The following RASEF variants were observed in gnomAD, a reference collection of about 807,000 sequenced individuals.
The protein encoded by RASEF is ras and EF-hand domain-containing protein.
Under a neutral mutation model 90.1 loss-of-function variants are expected in RASEF, and 68 were observed. The ratio of observed to expected loss-of-function variants is 0.75; its 90% confidence interval spans 0.62 to 0.92. The LOEUF is 0.92. Among genes scored for constraint, RASEF ranks in the 40% least tolerant of loss-of-function variants. RASEF has a pLI of 0.00. For synonymous variants in RASEF, 331 were observed against 345.2 expected, an observed-to-expected ratio of 0.96 and a Z score of 0.46; for missense variants, 949 against 937.2, an observed-to-expected ratio of 1.01 and a Z score of -0.16.
intron 1 of RASEF, among the ~76,000 whole-genome samples, chr9:83,060,799 A>C (rs1830189229): frequency 6.6e-6 from 1 of 152,204 alleles, no homozygotes; most frequent in Non-Finnish European, 1.5e-5. Flanking sequence ...ATCTCACATC[A>C]GGAGGTGAGG....
intron 16 of RASEF, among the ~76,000 whole-genome samples, chr9:82,989,571 T>C (rs140634460): frequency 7.4e-4 from 112 of 152,300 alleles, no homozygotes; most frequent in African/African-American, 2.5e-3. Context: ...ATTTTAACTA[T>C]CAATATTTAC....
At chr9:83,112,827 T>G in the RASEF span, among the ~76,000 whole-genome samples, 4 of 152,124 alleles carry the variant, frequency 2.6e-5, no homozygotes, top group Non-Finnish European at 5.9e-5. Flanking sequence ...TTGGGTTTTT[T>G]TGTTTTTTGT....
At chr9:83,148,630 A>G in the RASEF span, among the ~76,000 whole-genome samples, 1 of 152,208 alleles carries the variant, frequency 6.6e-6, no homozygotes, top group African/African-American at 2.4e-5. Context: ...TCTGATATTT[A>G]TGCCACTCAG....
At chr9:83,066,189 G>A (rs573799517), upstream of RASEF, among the ~76,000 whole-genome samples, 19 of 152,258 alleles carry the variant, frequency 1.2e-4, no homozygotes, top group African/African-American at 4.1e-4. Flanking sequence ...ACATGATTAC[G>A]TTAGTAGCTC....
At chr9:83,032,518 A>G (rs1175242785) in intron 1 of RASEF, among the ~76,000 whole-genome samples, 1 of 152,228 alleles carries the variant, frequency 6.6e-6, no homozygotes, top group East Asian at 1.9e-4. Context: ...AGCAACCAAC[A>G]CTAATATACC....
chr9:83,057,406 G>A (rs1053674831), intron 1 of RASEF, among the ~76,000 whole-genome samples: 1 of 152,182 alleles, frequency 6.6e-6, no homozygotes, highest in East Asian at 1.9e-4. Context: ...ATGAGCTGTA[G>A]TTATCAAGAG....
chr9:83,015,811 T>C lies in RASEF; in HGVS notation c.759A>G (p.Leu253=), dbSNP rs1374503528. Residue 253 remains leucine, a synonymous_variant, in exon 4 of 17, where the codon CTA becomes CTG. Coordinates refer to ENST00000376447, the MANE Select transcript of RASEF (RefSeq NM_152573.4). ...VGDLQVTIKK[L]RKLEEQSKRV... Reference sequence around the variant, plus strand: ...CCAGCTGCCACATGCCTACCTTTCTTAGCTTTTTAATGGTCACCTGCAGAT... The same window carrying C: ...CCAGCTGCCACATGCCTACCTTTCTCAGCTTTTTAATGGTCACCTGCAGAT... The C allele has an allele frequency of 7.4e-6, 12 of 1,612,824 alleles. No homozygotes were observed. The highest frequency in any genetic ancestry group is 1.0e-5 in the Non-Finnish European group (12 of 1,178,788).
At chr9:82,996,299 G>A (rs945479345) in intron 14 of RASEF, among the ~76,000 whole-genome samples, 1 of 152,164 alleles carries the variant, frequency 6.6e-6, no homozygotes, top group Non-Finnish European at 1.5e-5. Context: ...TTTTTCAAGA[G>A]AGCATGCTGA....
rs41277925 is a variant in RASEF, at chr9:82,996,960, T to C, written c.1920+52A>G. The C allele has an allele frequency of 8.9e-4, 905 of 1,021,138 alleles. 1 individual carries two copies. The highest frequency in any genetic ancestry group is 1.2e-3 in the Non-Finnish European group (790 of 642,462). The allele number at this position is 1,021,138 out of a possible 1,614,324, so 63.3% of individuals were successfully genotyped here. A position where few individuals can be genotyped will look rare whatever the true frequency, so the allele number is the denominator to read the frequency against. ...AGAAGAGAGACAGCATTTTCCAAGA[T>C]GGCCTAAAACTTCCTCGTGTAATTT... On this transcript the variant is annotated intron_variant, in intron 14 of 16. Coordinates refer to ENST00000376447, the MANE Select transcript of RASEF (RefSeq NM_152573.4).
At chr9:83,018,286 C>T (rs187936957) in intron 3 of RASEF, among the ~76,000 whole-genome samples, 184 of 152,190 alleles carry the variant, frequency 1.2e-3, no homozygotes, top group African/African-American at 4.1e-3. Flanking sequence ...CTACAGAATA[C>T]GAGACCAATC....
chr9:83,037,511 T>A (rs1427675601), intron 1 of RASEF, among the ~76,000 whole-genome samples: 1 of 152,138 alleles, frequency 6.6e-6, no homozygotes, highest in African/African-American at 2.4e-5. Context: ...AATTAAGAAA[T>A]CTGTGAAGTA....
the RASEF span, among the ~76,000 whole-genome samples, chr9:83,209,273 G>A: frequency 0.011 from 1,613 of 152,352 alleles, 24 homozygotes; most frequent in African/African-American, 0.035. Flanking sequence ...ATTTCTGGAA[G>A]AATCACCCTT....
At chr9:83,208,075 T>G in the RASEF span, among the ~76,000 whole-genome samples, 1 of 152,224 alleles carries the variant, frequency 6.6e-6, no homozygotes, top group South Asian at 2.1e-4. Flanking sequence ...GATTCCTTTC[T>G]CCATCCATTG....
At chr9:83,041,016 A>T (rs1027340032) in intron 1 of RASEF, among the ~76,000 whole-genome samples, 1 of 151,972 alleles carries the variant, frequency 6.6e-6, no homozygotes, top group Non-Finnish European at 1.5e-5. Context: ...ACGCGCCACC[A>T]TGCCTGGCTA....
At chr9:83,206,935 G>A in the RASEF span, among the ~76,000 whole-genome samples, 1 of 152,032 alleles carries the variant, frequency 6.6e-6, no homozygotes, top group African/African-American at 2.4e-5. Flanking sequence ...TCTCTCCACT[G>A]TTGCGTCTTC....
At chr9:83,029,449 G>C (rs1234939436) in intron 1 of RASEF, among the ~76,000 whole-genome samples, 1 of 149,200 alleles carries the variant, frequency 6.7e-6, no homozygotes, top group East Asian at 2.0e-4. Context: ...CTGGAGTGCA[G>C]TGGCGCAATC....
chr9:83,021,147 C>T (rs1017484632), intron 3 of RASEF, among the ~76,000 whole-genome samples: 125 of 152,320 alleles, frequency 8.2e-4, no homozygotes, highest in African/African-American at 2.7e-3. Context: ...AACCAGGGTG[C>T]AGCCACTACA....
chr9:83,187,571 T>C, the RASEF span, among the ~76,000 whole-genome samples: 4 of 152,174 alleles, frequency 2.6e-5, no homozygotes, highest in African/African-American at 7.2e-5. Flanking sequence ...AAATCAGTCC[T>C]GGACAATCTA....
chr9:83,048,617 T>C (rs1829976356), intron 1 of RASEF: 2 of 985,056 alleles, frequency 2.0e-6, no homozygotes, highest in Non-Finnish European at 2.4e-6. Flanking sequence ...GCGAGAAGAG[T>C]TTCTTCTGTG....
Sources: allele counts gnomAD v4.1 joint callset (sites outside exome capture counted in the v4.1 genomes callset), GRCh38; gene constraint gnomAD v4.1.1; transcripts MANE v1.5; gene names NCBI Gene and HGNC (gene_info 2026-07-23, HGNC 2026-07-21).